The following PDHX variants were observed in gnomAD, a reference collection of about 807,000 sequenced individuals.
The protein encoded by PDHX is pyruvate dehydrogenase protein X component, mitochondrial.
In PDHX, 33 loss-of-function variants were observed where a neutral mutation model predicts 55.3. That is an observed-to-expected ratio of 0.60 (90% CI 0.45 to 0.80). PDHX has a LOEUF of 0.80. PDHX is among the 30% of genes least tolerant of loss of function. The pLI, the probability that PDHX is intolerant of heterozygous loss-of-function variation, is 0.00. For synonymous variants in PDHX, 226 were observed against 219.4 expected (o/e 1.03, Z -0.27); for missense variants, 622 against 619.9 (o/e 1.00, Z -0.04).
chr11:34,934,576 T>TA (rs1356298102), intron 2 of PDHX, among the ~76,000 whole-genome samples: 12 of 140,670 alleles, frequency 8.5e-5, no homozygotes, highest in Non-Finnish European at 1.9e-4. Flanking sequence ...TATGGATTTT[T>TA]TTTTTTTTTT....
At position 34,996,036 on chromosome 11, in the gene PDHX, A is replaced by G. The variant is rs542135463; in HGVS notation, c.*864A>G. ...CTTAATGCATTTAAATCAGTTTTGTATTGTGCAGTAAAATGTGAGAAAATA... is the reference window on the plus strand; with the variant it reads ...CTTAATGCATTTAAATCAGTTTTGTGTTGTGCAGTAAAATGTGAGAAAATA... On this transcript the variant is annotated 3_prime_UTR_variant, in exon 11 of 11. Coordinates refer to ENST00000227868, the MANE Select transcript of PDHX (RefSeq NM_003477.3). 6.6e-6 allele frequency: 1 copy of G among 152,292 alleles called. No homozygotes were observed. Among genetic ancestry groups the G allele is most frequent in the South Asian group, 2.1e-4 (1 of 4,830 alleles). 9.4% of individuals were successfully genotyped at this position (152,292 alleles called of 1,614,324 possible).
chr11:34,956,458 G>T (rs12279952), intron 3 of PDHX, among the ~76,000 whole-genome samples: 15,320 of 152,044 alleles, frequency 0.1, 1,620 homozygotes, highest in African/African-American at 0.27. Flanking sequence ...TACAGCTAAT[G>T]AACCTTATTT....
At chr11:34,916,436 G>A, upstream of PDHX, 1 of 1,479,124 alleles carries the variant, frequency 6.8e-7, no homozygotes, top group Non-Finnish European at 9.0e-7. Context: ...CCGGGGTCTG[G>A]TAAGGCCCCG....
rs200562821 is a variant in PDHX at position 34,947,514 on chromosome 11, G to A, written c.250G>A (p.Val84Met). The change falls in exon 3 of 11, where the codon GTG (valine) becomes ATG (methionine). Residue 84 changes from valine (V) to methionine (M), a missense_variant. By Grantham distance (21) the Val-to-Met change is conservative. Transcript: ENST00000227868. Reference protein sequence around the residue: ...VKWLKKEGEAVSAGDALCEIE... With the variant: ...VKWLKKEGEAMSAGDALCEIE... ...CCAGTCTTGTTTTGTAGGTGAAGCG[G>A]TGAGTGCTGGAGATGCATTATGTGA... 1.1e-4 allele frequency: 179 copies of A among 1,610,874 alleles called. No individual in the cohort carries two copies. Among genetic ancestry groups the A allele is most frequent in the Non-Finnish European group, 1.5e-4 (171 of 1,177,448 alleles).
chr11:34,986,707 T>A (rs941892786), intron 9 of PDHX, among the ~76,000 whole-genome samples: 1 of 152,130 alleles, frequency 6.6e-6, no homozygotes, highest in Non-Finnish European at 1.5e-5. Context: ...GTTTAAGAGG[T>A]AAGAACGCAG....
intron 8 of PDHX, among the ~76,000 whole-genome samples, chr11:34,979,207 T>G (rs1855450361): frequency 6.6e-6 from 1 of 152,130 alleles, no homozygotes; most frequent in Non-Finnish European, 1.5e-5. Flanking sequence ...TTGGGAAAAC[T>G]GGGAGGGGTA....
At chr11:34,931,538 T>TG (rs1407407700) in intron 2 of PDHX, 54 bp downstream of exon 2, 12 of 922,358 alleles carry the variant, frequency 1.3e-5, no homozygotes, top group African/African-American at 1.2e-4. Flanking sequence ...GTTATTTTGT[T>TG]TTGTTTTTTT....
intron 1 of PDHX, among the ~76,000 whole-genome samples, chr11:34,919,950 G>C (rs1039155429): frequency 6.6e-6 from 1 of 152,176 alleles, no homozygotes; most frequent in Non-Finnish European, 1.5e-5. Flanking sequence ...GGTATTTGTA[G>C]TCTCTTTGGG....
chr11:34,988,759 C>T (rs1855702580), intron 9 of PDHX, among the ~76,000 whole-genome samples: 1 of 152,154 alleles, frequency 6.6e-6, no homozygotes, highest in African/African-American at 2.4e-5. Context: ...TTGGAGTTCT[C>T]TCTTATCCAA....
Position 34,995,195 on chromosome 11 carries a change from G to A in PDHX, c.*23G>A. On this transcript the variant is annotated 3_prime_UTR_variant, in exon 11 of 11. Transcript: ENST00000227868. ...TAGTCCTCAAAGATAAGAAGTTGGT[G>A]TTCAGCTTAGTTGATTCAGTAGTTG... 3 of 1,612,168 alleles carry A rather than the reference G, an allele frequency of 1.9e-6. No homozygotes were observed. Among genetic ancestry groups the A allele is most frequent in the Non-Finnish European group, 2.5e-6 (3 of 1,178,868 alleles).
chr11:34,934,688 C>G (rs1157965809), intron 2 of PDHX, among the ~76,000 whole-genome samples: 1 of 148,028 alleles, frequency 6.8e-6, no homozygotes, highest in Non-Finnish European at 1.5e-5. Context: ...GGGTGATTCT[C>G]CCACCTAAGC....
chr11:34,988,136 A>C (rs1855690253), intron 9 of PDHX, among the ~76,000 whole-genome samples: 1 of 152,222 alleles, frequency 6.6e-6, no homozygotes, highest in Non-Finnish European at 1.5e-5. Flanking sequence ...CCAGAGAGAA[A>C]AAACTAATTC....
intron 3 of PDHX, among the ~76,000 whole-genome samples, chr11:34,953,287 A>G (rs1032380494): frequency 6.6e-6 from 1 of 152,072 alleles, no homozygotes; most frequent in African/African-American, 2.4e-5. Flanking sequence ...TATAGATTCA[A>G]TGCCATCCCC....
chr11:34,978,588 C>G (rs1855435049), intron 8 of PDHX, among the ~76,000 whole-genome samples: 1 of 152,118 alleles, frequency 6.6e-6, no homozygotes, highest in African/African-American at 2.4e-5. Flanking sequence ...GGAAGCCCCT[C>G]TGACAAGGCG....
intron 2 of PDHX, among the ~76,000 whole-genome samples, chr11:34,935,529 G>C (rs1157822858): frequency 6.6e-6 from 1 of 152,086 alleles, no homozygotes; most frequent in South Asian, 2.1e-4. Flanking sequence ...ATGTGTGGTG[G>C]TAGAGTCTCC....
chr11:34,969,775 T>C (rs566899454), intron 6 of PDHX, among the ~76,000 whole-genome samples: 1 of 152,330 alleles, frequency 6.6e-6, no homozygotes, highest in Admixed American at 6.5e-5. Flanking sequence ...CTTGTGTGTG[T>C]GTGGTATGTG....
intron 9 of PDHX, among the ~76,000 whole-genome samples, chr11:34,991,715 C>T (rs1246198167): frequency 6.6e-6 from 1 of 151,754 alleles, no homozygotes; most frequent in Non-Finnish European, 1.5e-5. Flanking sequence ...TGGAGACCAG[C>T]CTGACCAACA....
chr11:34,975,524 T>C (rs1590762530), intron 7 of PDHX, among the ~76,000 whole-genome samples: 3 of 152,328 alleles, frequency 2.0e-5, no homozygotes, highest in Non-Finnish European at 2.9e-5. Context: ...TAGCAAAATA[T>C]ATATTTTTTA....
chr11:34,922,822 A>G (rs1302157101), intron 1 of PDHX, among the ~76,000 whole-genome samples: 1 of 150,680 alleles, frequency 6.6e-6, no homozygotes, highest in Non-Finnish European at 1.5e-5. Flanking sequence ...CTTGAGCTTA[A>G]TTTGCCTTTT....
Sources: gnomAD v4.1 joint callset for allele counts (sites outside exome capture counted in the v4.1 genomes callset) on GRCh38, gnomAD v4.1.1 for gene constraint, MANE v1.5 for transcripts, NCBI Gene and HGNC (gene_info 2026-07-23, HGNC 2026-07-21) for gene names.